The following ZNRF3 variants were observed in gnomAD, a reference collection of about 807,000 sequenced individuals.
ZNRF3 encodes zinc and ring finger 3.
Under a neutral mutation model 72.5 loss-of-function variants are expected in ZNRF3, and 23 were observed. The ratio of observed to expected loss-of-function variants is 0.32; its 90% CI spans 0.23 to 0.45. The LOEUF is 0.45. ZNRF3 is among the 20% of genes least tolerant of loss of function. The pLI, the probability that ZNRF3 is intolerant of heterozygous loss-of-function variation, is 1.00. For synonymous variants in ZNRF3, 610 were observed against 545.3 expected (o/e 1.12, Z -1.65); for missense variants, 1,169 against 1,272.1 (o/e 0.92, Z 1.23).
chr22:28,971,462 A>G (rs1434848438), intron 1 of ZNRF3, among the ~76,000 whole-genome samples: 2 of 152,188 alleles, frequency 1.3e-5, no homozygotes, highest in Non-Finnish European at 2.9e-5. Flanking sequence ...CTAAGACACA[A>G]TGCCCTTTTA....
chr22:28,904,318 C>T (rs16986825), intron 1 of ZNRF3, among the ~76,000 whole-genome samples: 20,559 of 152,168 alleles, frequency 0.14, 1,933 homozygotes, highest in East Asian at 0.43. Flanking sequence ...CTTAAGAGCT[C>T]GAACAATCTT....
At chr22:28,934,484 T>C (rs1374507284) in intron 1 of ZNRF3, among the ~76,000 whole-genome samples, 1 of 152,180 alleles carries the variant, frequency 6.6e-6, no homozygotes. Context: ...ACTCCTGTAA[T>C]GCAAGAAGAC....
chr22:28,884,262 C>G (rs2033726884), intron 1 of ZNRF3, among the ~76,000 whole-genome samples, 196 bp downstream of exon 1: 1 of 151,964 alleles, frequency 6.6e-6, no homozygotes, highest in South Asian at 2.1e-4. Flanking sequence ...GGGGGGCGAG[C>G]GCACGTGGGG....
At chr22:29,026,582 C>T (rs2036641305) in intron 2 of ZNRF3, 1 of 152,210 alleles carries the variant, frequency 6.6e-6, no homozygotes, top group South Asian at 2.1e-4. Flanking sequence ...TTGCTGTCTC[C>T]TACTCAAGGC....
intron 1 of ZNRF3, among the ~76,000 whole-genome samples, chr22:28,887,945 T>A (rs2033820757): frequency 6.6e-6 from 1 of 151,162 alleles, no homozygotes; most frequent in African/African-American, 2.5e-5. Flanking sequence ...GATGAAAGAT[T>A]GTTTTAAAGT....
chr22:28,966,889 T>TTTG (rs1555975724), intron 1 of ZNRF3, among the ~76,000 whole-genome samples: 1 of 147,416 alleles, frequency 6.8e-6, no homozygotes, highest in African/African-American at 2.5e-5. Flanking sequence ...TTTTTTTTTT[T>TTTG]GAGATGGAGT....
At chr22:28,965,148 C>T (rs1173567311) in intron 1 of ZNRF3, among the ~76,000 whole-genome samples, 1 of 152,192 alleles carries the variant, frequency 6.6e-6, no homozygotes, top group African/African-American at 2.4e-5. Context: ...CTCAGCCATC[C>T]TAGCACAGCT....
At chr22:28,960,866 C>A (rs1338951412) in intron 1 of ZNRF3, among the ~76,000 whole-genome samples, 1 of 152,180 alleles carries the variant, frequency 6.6e-6, no homozygotes, top group Non-Finnish European at 1.5e-5. Flanking sequence ...CCTGGCTGTT[C>A]TCAGTCATTC....
At chr22:29,015,173 T>C (rs2036410836) in intron 2 of ZNRF3, among the ~76,000 whole-genome samples, 1 of 152,230 alleles carries the variant, frequency 6.6e-6, no homozygotes, top group Admixed American at 6.5e-5. Context: ...ATTCTCTACT[T>C]GATTATTATG....
In ZNRF3 at chr22:28,920,381, G is replaced by A. The variant is rs142617758; in HGVS notation, c.300+36315G>A. 4.2e-3 allele frequency among the ~76,000 whole-genome samples: 646 copies of A among 152,060 alleles called. 2 individuals carry two copies. Among genetic ancestry groups the A allele is most frequent in the African/African-American group, 0.014 (578 of 41,462 alleles). On this transcript the variant is annotated intron_variant, in intron 1 of 8. Coordinates refer to ENST00000544604, the MANE Select transcript of ZNRF3 (RefSeq NM_001206998.2). Reference sequence around the variant, plus strand: ...TGCCTCCCGGGTTCAAACGATTCTCGTGCCTCAGTCTCCTGAGTGGCTGGG... The same window carrying A: ...TGCCTCCCGGGTTCAAACGATTCTCATGCCTCAGTCTCCTGAGTGGCTGGG...
chr22:28,970,200 C>T (rs534562695), intron 1 of ZNRF3, among the ~76,000 whole-genome samples: 3 of 152,040 alleles, frequency 2.0e-5, no homozygotes, highest in Non-Finnish European at 4.4e-5. Flanking sequence ...CAATTAAAAG[C>T]AGGTAAAAGA....
In ZNRF3 at chr22:28,883,740, C is replaced by T. The variant is rs1601520608; in HGVS notation, c.-27C>T. 2 of 981,428 alleles carry T rather than the reference C, an allele frequency of 2.0e-6. No individual in the cohort carries two copies. Among genetic ancestry groups the T allele is most frequent in the African/African-American group, 3.5e-5 (2 of 56,782 alleles). 60.8% of individuals were successfully genotyped at this position (981,428 alleles called of 1,614,324 possible). ...CCGCGACTATGCCCGGCCGCGCCCG[C>T]CCTCCGCGCCCTCCCGCCGCAGGAC... On this transcript the variant is annotated 5_prime_UTR_variant, in exon 1 of 9. Transcript: ENST00000544604. This position sits in a 1 kb window ranked among gnomAD's most constrained non-coding sequence, Gnocchi z 5.5.
At chr22:28,937,627 G>A (rs969431402) in intron 1 of ZNRF3, among the ~76,000 whole-genome samples, 1 of 152,144 alleles carries the variant, frequency 6.6e-6, no homozygotes, top group African/African-American at 2.4e-5. Context: ...GGTGGGGCCT[G>A]AGAATCTGCA....
rs372438825 is a variant in ZNRF3 at position 29,006,213 on chromosome 22, CTTTTTTT to C, written c.426+19025_426+19031del. The stretch of plus-strand genomic sequence containing the variant: ...TGATCAAGGTTCTTATCATCCGTTT[CTTTTTTT>C]TTTTTTTTTTTTGAGACAGTTTTGT... On this transcript the variant is annotated intron_variant, in intron 2 of 8. Transcript: ENST00000544604. Among the ~76,000 whole-genome samples the C allele has an allele frequency of 1.5e-4, 16 of 106,516 alleles. 1 individual carries two copies. Among genetic ancestry groups the C allele is most frequent in the African/African-American group, 5.2e-4 (14 of 27,022 alleles). 69.9% of individuals were successfully genotyped at this position (106,516 alleles called of 152,430 possible).
rs75141640 is a variant in ZNRF3, at chr22:28,923,164, T to C, written c.300+39098T>C. Among the ~76,000 whole-genome samples the C allele has an allele frequency of 4.7e-3, 722 of 152,330 alleles. 6 individuals are homozygous for C. The highest frequency in any genetic ancestry group is 0.017 in the African/African-American group (697 of 41,566). On this transcript the variant is annotated intron_variant, in intron 1 of 8. Coordinates refer to ENST00000544604, the MANE Select transcript of ZNRF3 (RefSeq NM_001206998.2). ...CTTACTCCAGGGGCCATTTCTAATC[T>C]GATTTCTGTAAGTAGTGGATTTTTG...
At position 29,049,889 on chromosome 22, in the gene ZNRF3, G is replaced by T. The variant is rs1236316800; in HGVS notation, c.1708G>T (p.Asp570Tyr). The T allele has an allele frequency of 6.2e-7, 1 of 1,603,658 alleles. No individual in the cohort carries two copies. Among genetic ancestry groups the T allele is most frequent in the Non-Finnish European group, 8.5e-7 (1 of 1,174,650 alleles). ...CHCSSSDSVV[D>Y]CTEVSNQGVY... ...CTGTTCCTCCAGTGACTCTGTGGTA[G>T]ACTGCACTGAGGTCAGCAACCAGGG... is the stretch of plus-strand genomic sequence containing the variant. The change falls in exon 8 of 9, where the codon GAC (aspartate) becomes TAC (tyrosine). Residue 570 changes from aspartate to tyrosine, a missense_variant. Around this residue, in one of 2 missense-constraint regions of ZNRF3, gnomAD observed 783 missense variants for 731.4 expected, o/e 1.07. Transcript: ENST00000544604. This position sits in a 1 kb window ranked among gnomAD's most constrained non-coding sequence, Gnocchi z 5.2.
At chr22:28,933,507 C>T (rs2034750891) in intron 1 of ZNRF3, among the ~76,000 whole-genome samples, 2 of 152,176 alleles carry the variant, frequency 1.3e-5, no homozygotes, top group Admixed American at 1.3e-4. Context: ...AGGGCTTCCT[C>T]TGCTATTATC....
chr22:28,927,967 T>G (rs117574339), intron 1 of ZNRF3, among the ~76,000 whole-genome samples: 6 of 152,318 alleles, frequency 3.9e-5, no homozygotes, highest in Non-Finnish European at 8.8e-5. Flanking sequence ...GCCAGTGTTG[T>G]GCCTGTTGTA....
rs1337542824 is a variant in ZNRF3 at position 29,049,390 on chromosome 22, G to A, written c.1209G>A (p.Gly403=). The stretch of plus-strand genomic sequence containing the variant: ...CCTTGCTGACCATGGACCGGCACGG[G>A]GAGCAGAGCCTCTATTCCCCGCAGA... ...PVTLLTMDRH[G]EQSLYSPQTP... Residue 403 remains glycine (G), a synonymous_variant, in exon 8 of 9, where the codon GGG becomes GGA. Transcript: ENST00000544604. This position sits in a 1 kb window ranked among gnomAD's most constrained non-coding sequence, Gnocchi z 5.2. 6.2e-7 allele frequency: 1 copy of A among 1,611,840 alleles called. No individual in the cohort carries two copies. The highest frequency in any genetic ancestry group is 8.5e-7 in the Non-Finnish European group (1 of 1,179,862).
Sources: gnomAD v4.1 joint callset for allele counts (sites outside exome capture counted in the v4.1 genomes callset) on GRCh38, gnomAD v4.1.1 for gene constraint, gnomAD v4.1.1 regional missense constraint, Gnocchi (gnomAD v3.1) non-coding constraint, MANE v1.5 for transcripts, NCBI Gene and HGNC (gene_info 2026-07-23, HGNC 2026-07-21) for gene names.